The following BTK variants were observed in gnomAD, a reference collection of about 807,000 sequenced individuals.
The protein encoded by BTK is Bruton tyrosine kinase, also known as tyrosine-protein kinase BTK.
Under a neutral mutation model 57.4 loss-of-function variants are expected in BTK, and 5 were observed. The observed-to-expected ratio is 0.09, with a 90% confidence interval of 0.05 to 0.18. The LOEUF (loss-of-function observed/expected upper bound fraction) is 0.18. Ranked by LOEUF, BTK falls within the 10% of genes least tolerant of loss-of-function variation. The probability of loss-of-function intolerance (pLI) is 1.00; values close to 1 mark genes in which losing one functional copy is unlikely to be tolerated. For synonymous variants in BTK, 154 were observed against 174.3 expected (o/e 0.88, Z 0.92); for missense variants, 194 against 501.2 (o/e 0.39, Z 5.85).
chrX:101,375,060 C>A, intron 2 of BTK, 84 bp downstream of exon 2: 1 of 1,159,442 alleles, frequency 8.6e-7, no homozygotes, highest in African/African-American at 1.8e-5. Context: ...CTCCTACCAA[C>A]GAAAATTTAC....
Position 101,356,185 on chromosome X carries a change from G to A in BTK, c.1433C>T (p.Ala478Val), listed in dbSNP as rs1555977832. The A allele has an allele frequency of 8.3e-7, 1 of 1,211,738 alleles. No individual in the cohort carries two copies. Among genetic ancestry groups the A allele is most frequent in the Non-Finnish European group, 1.1e-6 (1 of 895,430 alleles). Reference sequence around the variant, plus strand: ...CAGGTAGTTCAGGAGGCAGCCATTGGCCATGTACTCAGTGATGATGAAGAT... The same window carrying A: ...CAGGTAGTTCAGGAGGCAGCCATTGACCATGTACTCAGTGATGATGAAGAT... ...RPIFIITEYMANGCLLNYLRE... is the reference protein window; with the variant it reads ...RPIFIITEYMVNGCLLNYLRE... Residue 478 changes from alanine to valine, a missense_variant, in exon 15 of 19, where the codon GCC becomes GTC. By Grantham distance (64) the Ala-to-Val change is moderately conservative. This residue lies in a region of BTK where 79 missense variants were observed against 217.7 expected (regional missense o/e 0.36). Transcript: ENST00000308731.
intron 8 of BTK, 59 bp downstream of exon 8, chrX:101,360,509 C>G: frequency 1.7e-6 from 2 of 1,153,247 alleles, no homozygotes; most frequent in Non-Finnish European, 2.4e-6. Flanking sequence ...TGCCGCAGCA[C>G]TTTTTGCGTG....
intron 4 of BTK, among the ~76,000 whole-genome samples, chrX:101,371,341 G>C (rs1927024942): frequency 8.9e-6 from 1 of 112,285 alleles, no homozygotes; most frequent in Admixed American, 9.5e-5. Flanking sequence ...CACTCAACAA[G>C]CAGAGCATCT....
At chrX:101,375,371 T>C in intron 1 of BTK, 57 bp from the exon 2 acceptor site, 1 of 1,116,404 alleles carries the variant, frequency 9.0e-7, no homozygotes, top group South Asian at 1.8e-5. Context: ...CCCTCTTGGT[T>C]CCCCCTCAGC....
At chrX:101,373,723 C>T (rs917191054) in intron 3 of BTK, among the ~76,000 whole-genome samples, 15 of 111,655 alleles carry the variant, frequency 1.3e-4, no homozygotes, top group Non-Finnish European at 2.6e-4. Flanking sequence ...AATAAATACG[C>T]AATTCTCCTG....
intron 1 of BTK, among the ~76,000 whole-genome samples, chrX:101,381,181 A>G (rs1337631680): frequency 4.5e-5 from 5 of 110,587 alleles, no homozygotes; most frequent in Non-Finnish European, 7.6e-5. Flanking sequence ...TGATGAATAC[A>G]TTCCAATATA....
At chrX:101,360,868 T>A in intron 7 of BTK, 113 bp from the exon 8 acceptor site, 1 of 730,379 alleles carries the variant, frequency 1.4e-6, no homozygotes, top group Non-Finnish European at 2.1e-6. Context: ...ACTAAAATAT[T>A]ACTCAGCAGT....
At chrX:101,363,317 G>T (rs1926729646) in intron 5 of BTK, among the ~76,000 whole-genome samples, 1 of 112,143 alleles carries the variant, frequency 8.9e-6, no homozygotes, top group South Asian at 3.6e-4. Context: ...AGGCCCAAAA[G>T]ATCTCCCAGA....
chrX:101,364,734 T>C (rs1299938846), intron 5 of BTK, among the ~76,000 whole-genome samples: 1 of 110,064 alleles, frequency 9.1e-6, no homozygotes, highest in Non-Finnish European at 1.9e-5. Flanking sequence ...AGGGACTGCA[T>C]TGCATAGAGG....
At chrX:101,380,348 T>A (rs782746417) in intron 1 of BTK, among the ~76,000 whole-genome samples, 1 of 111,817 alleles carries the variant, frequency 8.9e-6, no homozygotes, top group East Asian at 2.8e-4. Context: ...ATGCAAGTGA[T>A]CTTCTTGTCT....
Position 101,374,757 on chromosome X carries a change from G to A in BTK, c.142-123C>T. 5 of 599,022 alleles carry A rather than the reference G, an allele frequency of 8.3e-6. No individual in the cohort carries two copies. In the Admixed American group the frequency reaches 1.1e-4, roughly 14 times the overall value. 49.4% of individuals were successfully genotyped at this position (599,022 alleles called of 1,213,427 possible). On this transcript the variant is annotated intron_variant, in intron 2 of 18. Transcript: ENST00000308731. Reference sequence around the variant, plus strand: ...TGGCACCAGGACCTGTCATGTGGGGGAAGAAAAAAAAATCCTTCCAGATCT... The same window carrying A: ...TGGCACCAGGACCTGTCATGTGGGGAAAGAAAAAAAAATCCTTCCAGATCT...
Position 101,356,162 on chromosome X carries a change from G to T in BTK, c.1456C>A (p.Leu486Met). ...TGGAAGCGGTGGCGCATCTCCCTCA[G>T]GTAGTTCAGGAGGCAGCCATTGGCC... ...YMANGCLLNYLREMRHRFQTQ... is the reference protein window; with the variant it reads ...YMANGCLLNYMREMRHRFQTQ... The change falls in exon 15 of 19, where the codon CTG becomes ATG. Residue 486 changes from leucine to methionine, a missense_variant. Around this residue, in one of 3 missense-constraint regions of BTK, gnomAD observed 79 missense variants for 217.7 expected, o/e 0.36. Transcript: ENST00000308731. 8.3e-7 allele frequency: 1 copy of T among 1,211,346 alleles called. No individual in the cohort carries two copies. Among genetic ancestry groups the T allele is most frequent in the Non-Finnish European group, 1.1e-6 (1 of 895,358 alleles).
At chrX:101,360,517 G>A (rs368472781) in intron 8 of BTK, 51 bp downstream of exon 8, 14 of 1,161,459 alleles carry the variant, frequency 1.2e-5, no homozygotes, top group East Asian at 6.0e-5. Context: ...CACTTTTTGC[G>A]TGTAGGGAGT....
chrX:101,373,060 C>T (rs945847318), intron 3 of BTK, among the ~76,000 whole-genome samples: 6 of 108,287 alleles, frequency 5.5e-5, no homozygotes, highest in Admixed American at 9.9e-5. Flanking sequence ...CCAGCCTGGG[C>T]GACACAGCGA....
intron 5 of BTK, among the ~76,000 whole-genome samples, chrX:101,367,991 A>G: frequency 8.9e-6 from 1 of 111,981 alleles, no homozygotes; most frequent in Non-Finnish European, 1.9e-5. Flanking sequence ...CTCTTATCCC[A>G]GTCTCTGCAA....
chrX:101,379,837 A>G (rs1927353341), intron 1 of BTK, among the ~76,000 whole-genome samples: 1 of 112,201 alleles, frequency 8.9e-6, no homozygotes, highest in African/African-American at 3.2e-5. Context: ...CCAGGCTGGT[A>G]AGGATGATCT....
chrX:101,389,101 G>C (rs1158408427), upstream of BTK, among the ~76,000 whole-genome samples: 1 of 111,641 alleles, frequency 9.0e-6, no homozygotes, highest in Non-Finnish European at 1.9e-5. Flanking sequence ...TTTGATAAGA[G>C]AGCAGATTTT....
At chrX:101,386,612 C>CG, upstream of BTK, among the ~76,000 whole-genome samples, 1 of 110,627 alleles carries the variant, frequency 9.0e-6, no homozygotes, top group East Asian at 2.8e-4. Flanking sequence ...TCCTGTCCTC[C>CG]GGGGCAGAGG....
At chrX:101,390,510 G>T (rs1555983082), upstream of BTK, 1 of 515,345 alleles carries the variant, frequency 1.9e-6, no homozygotes, top group Non-Finnish European at 3.5e-6. Context: ...CCACATAATG[G>T]GCATCCAATA....
Sources: gnomAD v4.1 joint callset for allele counts (sites outside exome capture counted in the v4.1 genomes callset) on GRCh38, gnomAD v4.1.1 for gene constraint, gnomAD v4.1.1 regional missense constraint, MANE v1.5 for transcripts, NCBI Gene and HGNC (gene_info 2026-07-23, HGNC 2026-07-21) for gene names.